CMTM4: variants seen among roughly 807,000 people sequenced by gnomAD.
The protein encoded by CMTM4 is CKLF-like MARVEL transmembrane domain-containing protein 4.
A neutral mutation model predicts 19.0 loss-of-function variants in CMTM4; 8 were observed. The ratio of observed to expected loss-of-function variants is 0.42; its 90% confidence interval spans 0.25 to 0.76. CMTM4 has a LOEUF of 0.76. Ranked by LOEUF, CMTM4 falls within the 30% of genes least tolerant of loss-of-function variation. CMTM4 has a pLI of 0.27. For missense variants in CMTM4, 228 were observed against 290.2 expected, an observed-to-expected ratio of 0.79 and a Z score of 1.56; for synonymous variants, 106 against 121.1, an observed-to-expected ratio of 0.88 and a Z score of 0.82.
At chr16:66,645,499 C>T (rs528003268) in intron 1 of CMTM4, among the ~76,000 whole-genome samples, 1 of 151,564 alleles carries the variant, frequency 6.6e-6, no homozygotes, top group African/African-American at 2.4e-5. Flanking sequence ...ACTGCTTGAA[C>T]CCGGGAGGCA....
Position 66,615,094 on chromosome 16 carries a change from T to G in CMTM4, c.*6964A>C, listed in dbSNP as rs559477550. The G allele has an allele frequency of 6.6e-6, 1 of 152,300 alleles. No individual in the cohort carries two copies. The highest frequency in any genetic ancestry group is 2.4e-5 in the African/African-American group (1 of 41,554). 9.4% of individuals were successfully genotyped at this position (152,300 alleles called of 1,614,324 possible). A position where few individuals can be genotyped will look rare whatever the true frequency, so the allele number is the denominator to read the frequency against. On this transcript the variant is annotated 3_prime_UTR_variant, in exon 4 of 4. Coordinates refer to ENST00000394106, the MANE Select transcript of CMTM4 (RefSeq NM_181521.3). The surrounding 1 kb of genome is among the most constrained non-coding windows in gnomAD (Gnocchi z 4.9). The stretch of plus-strand genomic sequence containing the variant: ...AGCTGAAAAACCAAACACATAAACC[T>G]AAGTTTGCCCAACGGGCATCGCCTC...
Position 66,624,477 on chromosome 16 carries a change from T to G in CMTM4, c.364-975A>C, listed in dbSNP as rs563625409. 7.2e-4 allele frequency among the ~76,000 whole-genome samples: 109 copies of G among 152,352 alleles called. 2 individuals are homozygous for G. Among genetic ancestry groups the G allele is most frequent in the South Asian group, 3.1e-3 (15 of 4,828 alleles). ...AAGGTCGATTTCCTCTTTTTGAAGATGTAAAGATGGCTGGTGCGGTGGCTC... is the reference window on the plus strand; with the variant it reads ...AAGGTCGATTTCCTCTTTTTGAAGAGGTAAAGATGGCTGGTGCGGTGGCTC... On this transcript the variant is annotated intron_variant, in intron 2 of 3. Transcript: ENST00000394106.
chr16:66,690,750 C>A (rs1321665976), intron 1 of CMTM4, among the ~76,000 whole-genome samples: 1 of 152,168 alleles, frequency 6.6e-6, no homozygotes, highest in African/African-American at 2.4e-5. Context: ...TACTGTACAA[C>A]TGAGGAACCC....
chr16:66,608,242 G>A, the CMTM4 span: 1 of 1,572,504 alleles, frequency 6.4e-7, no homozygotes, highest in Non-Finnish European at 8.7e-7. This position sits in a 1 kb window ranked among gnomAD's most constrained non-coding sequence, Gnocchi z 5.1. Context: ...ACAGGGCCTG[G>A]CTCAGAGGAG....
intron 1 of CMTM4, among the ~76,000 whole-genome samples, chr16:66,642,234 T>C (rs2016108543): frequency 1.3e-5 from 2 of 152,176 alleles, no homozygotes. Context: ...GAGTCAAAAA[T>C]AGTTCAACTT....
chr16:66,636,427 G>A lies in CMTM4; in HGVS notation c.341C>T (p.Pro114Leu). 6.2e-7 allele frequency: 1 copy of A among 1,614,078 alleles called. No homozygotes were observed. The highest frequency in any genetic ancestry group is 8.5e-7 in the Non-Finnish European group (1 of 1,180,000). The change falls in exon 2 of 4, where the codon CCC becomes CTC. Residue 114 changes from proline to leucine, a missense_variant. Physicochemically the swap from Pro to Leu is moderately conservative, Grantham distance 98 (BLOSUM62 -3). This residue lies in a region of CMTM4 where 200 missense variants were observed against 226.6 expected (regional missense o/e 0.88). Coordinates refer to ENST00000394106, the MANE Select transcript of CMTM4 (RefSeq NM_181521.3). ...CACTGTCAGATTCCAGTTGATCTGG[G>A]GGATCCTCATGTGCAGGTTGAGACT... Reference protein sequence around the residue: ...MFSLNLHMRIPQINWNLTDLV... With the variant: ...MFSLNLHMRILQINWNLTDLV...
At chr16:66,689,334 A>G (rs2017094444) in intron 1 of CMTM4, among the ~76,000 whole-genome samples, 1 of 152,180 alleles carries the variant, frequency 6.6e-6, no homozygotes, top group South Asian at 2.1e-4. Context: ...GTTTGCTGAC[A>G]GCATTTATTA....
chr16:66,631,970 C>T (rs539732169), intron 2 of CMTM4, among the ~76,000 whole-genome samples: 23 of 152,294 alleles, frequency 1.5e-4, no homozygotes, highest in African/African-American at 3.8e-4. Flanking sequence ...AAACACAAGA[C>T]GAGTCACGCC....
intron 1 of CMTM4, among the ~76,000 whole-genome samples, chr16:66,653,334 T>C (rs994074506): frequency 5.9e-5 from 9 of 152,232 alleles, no homozygotes; most frequent in African/African-American, 9.6e-5. Flanking sequence ...TGGAAGTCCA[T>C]TGGGAAAACC....
chr16:66,634,122 C>T (rs1407842748), intron 2 of CMTM4, among the ~76,000 whole-genome samples: 1 of 151,844 alleles, frequency 6.6e-6, no homozygotes, highest in Non-Finnish European at 1.5e-5. Flanking sequence ...ATAGAAAAAG[C>T]AGAATTCCAG....
intron 1 of CMTM4, among the ~76,000 whole-genome samples, chr16:66,690,495 CT>C (rs1305559390): frequency 1.3e-4 from 20 of 152,248 alleles, no homozygotes; most frequent in African/African-American, 4.8e-4. Flanking sequence ...CATATGATTT[CT>C]ATAATGTATT....
At position 66,622,037 on chromosome 16, in the gene CMTM4, G is replaced by A; in HGVS notation, c.*21C>T. On this transcript the variant is annotated 3_prime_UTR_variant, in exon 4 of 4. Transcript: ENST00000394106. This position sits in a 1 kb window ranked among gnomAD's most constrained non-coding sequence, Gnocchi z 4.0. The stretch of plus-strand genomic sequence containing the variant: ...GAGAGACAGGCACGAGGACGGGAGG[G>A]AGGAGGATCCAGGCAGGTCCTCACG... 1.3e-6 allele frequency: 2 copies of A among 1,551,732 alleles called. No homozygotes were observed. Among genetic ancestry groups the A allele is most frequent in the South Asian group, 2.4e-5 (2 of 84,726 alleles).
rs1421919753 is a variant in CMTM4, at chr16:66,622,680, G to C, written c.463-458C>G. 6.6e-6 allele frequency among the ~76,000 whole-genome samples: 1 copy of C among 152,150 alleles called. No homozygotes were observed. Among genetic ancestry groups the C allele is most frequent in the East Asian group, 1.9e-4 (1 of 5,190 alleles). On this transcript the variant is annotated intron_variant, in intron 3 of 3. Coordinates refer to ENST00000394106, the MANE Select transcript of CMTM4 (RefSeq NM_181521.3). This position sits in a 1 kb window ranked among gnomAD's most constrained non-coding sequence, Gnocchi z 4.0. ...AACATAGACAGAAAATCAGGGTTTC[G>C]CATGTGGGTCCCAAATCAAGCCACA...
the CMTM4 span, chr16:66,604,726 C>T: frequency 9.0e-7 from 1 of 1,114,540 alleles, no homozygotes; most frequent in Non-Finnish European, 1.1e-6. Context: ...CCTCCTTCCG[C>T]ACAGCCCGGG....
chr16:66,683,199 A>ACG lies in CMTM4; in HGVS notation c.186+13140_186+13141insCG, dbSNP rs1567432375. 4.1e-4 allele frequency among the ~76,000 whole-genome samples: 52 copies of ACG among 126,256 alleles called. No individual in the cohort carries two copies. The East Asian group carries it at 9.5e-3, about 23-fold the overall frequency. 82.8% of individuals were successfully genotyped at this position (126,256 alleles called of 152,430 possible). A position where few individuals can be genotyped will look rare whatever the true frequency, so the allele number is the denominator to read the frequency against. ...TACATATGTATATATATATACATAT[A>ACG]TATATATATATAAATTTTCCCCATG... On this transcript the variant is annotated intron_variant, in intron 1 of 3. Transcript: ENST00000394106.
chr16:66,601,570 G>A, the CMTM4 span, among the ~76,000 whole-genome samples: 11 of 152,186 alleles, frequency 7.2e-5, no homozygotes, highest in Admixed American at 2.6e-4. Context: ...CTGGTCGGTC[G>A]GACTGGCAGC....
chr16:66,619,995 C>T lies in CMTM4; in HGVS notation c.*2063G>A, dbSNP rs1432488778. 2.0e-6 allele frequency: 2 copies of T among 985,290 alleles called. No homozygotes were observed. The highest frequency in any genetic ancestry group is 1.1e-4 in the East Asian group (1 of 8,814). The allele number at this position is 985,290 out of a possible 1,614,324, so 61.0% of individuals were successfully genotyped here. ...CTCAGGAGGCCAACCACCTGCCCCCCTCTTTCACCAGATGATCAAGTGGTT... is the reference window on the plus strand; with the variant it reads ...CTCAGGAGGCCAACCACCTGCCCCCTTCTTTCACCAGATGATCAAGTGGTT... On this transcript the variant is annotated 3_prime_UTR_variant, in exon 4 of 4. Coordinates refer to ENST00000394106, the MANE Select transcript of CMTM4 (RefSeq NM_181521.3).
chr16:66,661,529 G>C (rs1184436668), intron 1 of CMTM4, among the ~76,000 whole-genome samples: 1 of 152,144 alleles, frequency 6.6e-6, no homozygotes, highest in South Asian at 2.1e-4. Context: ...AAGTCTGTTC[G>C]CTAATATGAA....
Position 66,696,635 on chromosome 16 carries a change from C to A in CMTM4, c.-110G>T. 1.6e-6 allele frequency: 1 copy of A among 606,402 alleles called. No individual in the cohort carries two copies. Among genetic ancestry groups the A allele is most frequent in the Non-Finnish European group, 2.1e-6 (1 of 486,338 alleles). 37.6% of individuals were successfully genotyped at this position (606,402 alleles called of 1,614,324 possible). ...CGCCGCCGCCGCCGCCGCCGCCCGACTGACTGCCCGCGGCCCGCCCGCCGC... is the reference window on the plus strand; with the variant it reads ...CGCCGCCGCCGCCGCCGCCGCCCGAATGACTGCCCGCGGCCCGCCCGCCGC... On this transcript the variant is annotated 5_prime_UTR_variant, in exon 1 of 4. Coordinates refer to ENST00000394106, the MANE Select transcript of CMTM4 (RefSeq NM_181521.3). This position sits in a 1 kb window ranked among gnomAD's most constrained non-coding sequence, Gnocchi z 4.3.
Sources: gnomAD v4.1 joint callset for allele counts (sites outside exome capture counted in the v4.1 genomes callset) on GRCh38, gnomAD v4.1.1 for gene constraint, gnomAD v4.1.1 regional missense constraint, Gnocchi (gnomAD v3.1) non-coding constraint, MANE v1.5 for transcripts, NCBI Gene and HGNC (gene_info 2026-07-23, HGNC 2026-07-21) for gene names.